GOLGA1: variants seen among roughly 807,000 people sequenced by gnomAD.
The protein encoded by GOLGA1 is golgin subfamily A member 1.
In GOLGA1, 63 loss-of-function variants were observed where a neutral mutation model predicts 119.7. The observed-to-expected ratio is 0.53, with a 90% confidence interval of 0.43 to 0.65. The LOEUF (loss-of-function observed/expected upper bound fraction) is 0.65. GOLGA1 is among the 30% of genes least tolerant of loss of function. The pLI is 0.00. For synonymous variants in GOLGA1, 318 were observed against 333.4 expected, an observed-to-expected ratio of 0.95 and a Z score of 0.50; for missense variants, 798 against 912.8, an observed-to-expected ratio of 0.87 and a Z score of 1.62.
At chr9:124,938,123 A>C (rs1447087896) in intron 3 of GOLGA1, among the ~76,000 whole-genome samples, 1 of 151,954 alleles carries the variant, frequency 6.6e-6, no homozygotes. Context: ...AAAAAGCAAC[A>C]TACTGTAATC....
rs543500246 is a variant in GOLGA1, at chr9:124,936,504, G to A, written c.135+2073C>T. ...TGCCTAAGCTGGAGTACAGTGGCAC[G>A]ATCATAGCTCACTACAATCCCAAAC... On this transcript the variant is annotated intron_variant, in intron 3 of 22. Transcript: ENST00000373555. 9.4e-4 allele frequency among the ~76,000 whole-genome samples: 142 copies of A among 151,532 alleles called. 1 individual carries two copies. Among genetic ancestry groups the A allele is most frequent in the Non-Finnish European group, 1.4e-3 (92 of 67,958 alleles).
At chr9:124,943,260 TCTA>T (rs2131556424), upstream of GOLGA1, 1 of 152,350 alleles carries the variant, frequency 6.6e-6, no homozygotes, top group East Asian at 1.9e-4. Flanking sequence ...CAAAATTTAT[TCTA>T]CTGTTAACAC....
chr9:124,922,411 G>T (rs1008500869), intron 8 of GOLGA1, among the ~76,000 whole-genome samples: 1 of 150,212 alleles, frequency 6.7e-6, no homozygotes, highest in African/African-American at 2.5e-5. Context: ...AAATTAGCCG[G>T]GCATGGTAGT....
At chr9:124,890,698 C>T (rs1303571880) in intron 15 of GOLGA1, among the ~76,000 whole-genome samples, 1 of 152,148 alleles carries the variant, frequency 6.6e-6, no homozygotes, top group Non-Finnish European at 1.5e-5. Context: ...AAATGGCACA[C>T]CACTGAGGAT....
At chr9:124,890,229 A>T (rs1411682775) in intron 16 of GOLGA1, among the ~76,000 whole-genome samples, 160 bp downstream of exon 16, 1 of 152,138 alleles carries the variant, frequency 6.6e-6, no homozygotes, top group Non-Finnish European at 1.5e-5. Context: ...AGCTTCCTAG[A>T]GAGCACAGGG....
At chr9:124,908,181 T>C (rs1830270011) in intron 12 of GOLGA1, among the ~76,000 whole-genome samples, 196 bp downstream of exon 12, 1 of 152,144 alleles carries the variant, frequency 6.6e-6, no homozygotes, top group African/African-American at 2.4e-5. Flanking sequence ...TAAAAGGGTA[T>C]AAATAAACAT....
At chr9:124,892,249 C>T (rs765508030) in intron 15 of GOLGA1, among the ~76,000 whole-genome samples, 43 of 152,292 alleles carry the variant, frequency 2.8e-4, no homozygotes, top group South Asian at 1.2e-3. Flanking sequence ...GCCACCACGC[C>T]GGGCCCATTT....
At chr9:124,935,754 C>T (rs1365752023) in intron 3 of GOLGA1, among the ~76,000 whole-genome samples, 1 of 126,754 alleles carries the variant, frequency 7.9e-6, no homozygotes, top group Non-Finnish European at 1.6e-5. Context: ...CACAGCAAGA[C>T]TCTGTCTCCA....
At chr9:124,896,945 C>A (rs1405598726) in intron 15 of GOLGA1, among the ~76,000 whole-genome samples, 1 of 151,904 alleles carries the variant, frequency 6.6e-6, no homozygotes, top group Non-Finnish European at 1.5e-5. Context: ...AAAAAAAAGA[C>A]CTGCCAGGGC....
intron 7 of GOLGA1, among the ~76,000 whole-genome samples, chr9:124,926,274 C>A (rs1470354038): frequency 1.3e-5 from 2 of 152,168 alleles, no homozygotes; most frequent in Non-Finnish European, 1.5e-5. Flanking sequence ...ACCAAAGGTC[C>A]AACTGAAGCT....
chr9:124,880,532 A>G lies in GOLGA1; in HGVS notation c.2302T>C (p.Ter768GlnextTer54). The change falls in exon 23 of 23, where the codon TAG becomes CAG. Residue 768 changes from the stop codon to glutamine, a stop_lost. Coordinates refer to ENST00000373555, the MANE Select transcript of GOLGA1 (RefSeq NM_002077.4). Reference sequence around the variant, plus strand: ...GCTCCATCCTTGGGTAGTCCCCTCTAGGACCATGGTATCCGAGGGTTTGAG... The same window carrying G: ...GCTCCATCCTTGGGTAGTCCCCTCTGGGACCATGGTATCCGAGGGTTTGAG... Reference protein sequence around the residue: ...SISNPRIPWS* With the variant: ...SISNPRIPWSQ The G allele has an allele frequency of 6.3e-7, 1 of 1,579,930 alleles. No individual in the cohort carries two copies. Among genetic ancestry groups the G allele is most frequent in the Non-Finnish European group, 8.7e-7 (1 of 1,149,130 alleles).
intron 19 of GOLGA1, among the ~76,000 whole-genome samples, chr9:124,887,865 C>T (rs192455959): frequency 3.9e-5 from 6 of 152,286 alleles, no homozygotes; most frequent in Admixed American, 2.6e-4. Flanking sequence ...TTCATAACCC[C>T]CTCCTCCCAC....
intron 12 of GOLGA1, among the ~76,000 whole-genome samples, chr9:124,904,376 A>G (rs1216033465): frequency 6.6e-6 from 1 of 152,228 alleles, no homozygotes; most frequent in Non-Finnish European, 1.5e-5. Flanking sequence ...TTGTACGACA[A>G]TGTACACTGA....
intron 10 of GOLGA1, among the ~76,000 whole-genome samples, chr9:124,920,820 G>C (rs1830551569): frequency 6.7e-6 from 1 of 149,384 alleles, no homozygotes; most frequent in Admixed American, 6.7e-5. Context: ...TATAATACCT[G>C]GGCGACAAGA....
intron 10 of GOLGA1, among the ~76,000 whole-genome samples, chr9:124,917,634 C>T (rs1830475569): frequency 6.6e-6 from 1 of 152,178 alleles, no homozygotes; most frequent in Non-Finnish European, 1.5e-5. Flanking sequence ...AGTCTCCTAA[C>T]GGCCAGAGTA....
At chr9:124,894,248 T>C (rs757881666) in intron 15 of GOLGA1, among the ~76,000 whole-genome samples, 3 of 152,202 alleles carry the variant, frequency 2.0e-5, no homozygotes, top group Non-Finnish European at 4.4e-5. Context: ...CCTCCTTTTG[T>C]TCTGAGCCTG....
chr9:124,925,278 TTTC>T (rs1236288002), intron 7 of GOLGA1, among the ~76,000 whole-genome samples: 1 of 151,640 alleles, frequency 6.6e-6, no homozygotes, highest in African/African-American at 2.4e-5. Flanking sequence ...ATCTTAAGAG[TTTC>T]TTTTACAGCA....
Position 124,881,035 on chromosome 9 carries a change from C to T in GOLGA1, c.2223+136G>A. The stretch of plus-strand genomic sequence containing the variant: ...AAAAAGTGCTTGGATCAAGTTCATC[C>T]AAAAGCAGCCAAGCTGATCATGCAG... On this transcript the variant is annotated intron_variant, in intron 22 of 22. Coordinates refer to ENST00000373555, the MANE Select transcript of GOLGA1 (RefSeq NM_002077.4). This position sits in a 1 kb window ranked among gnomAD's most constrained non-coding sequence, Gnocchi z 4.9. The T allele has an allele frequency of 1.5e-6, 1 of 678,378 alleles. No individual in the cohort carries two copies. The highest frequency in any genetic ancestry group is 2.6e-5 in the East Asian group (1 of 39,206). The allele number at this position is 678,378 out of a possible 1,614,324, so 42.0% of individuals were successfully genotyped here. A position where few individuals can be genotyped will look rare whatever the true frequency, so the allele number is the denominator to read the frequency against.
In GOLGA1 at chr9:124,890,408, C is replaced by T. The variant is rs769387512; in HGVS notation, c.1478G>A (p.Arg493Lys). 7 of 1,613,208 alleles carry T rather than the reference C, an allele frequency of 4.3e-6. No homozygotes were observed. Among genetic ancestry groups the T allele is most frequent in the South Asian group, 3.3e-5 (3 of 91,062 alleles). The stretch of plus-strand genomic sequence containing the variant: ...GCCCACCTGTTGCTGGAACTCTTCC[C>T]TTTGCTTCCGCACCTCCTCCAGGGC... ...AQALEEVRKQREEFQQQAANL... is the reference protein window; with the variant it reads ...AQALEEVRKQKEEFQQQAANL... Residue 493 changes from arginine to lysine, a missense_variant, in exon 16 of 23, where the codon AGG (arginine) becomes AAG (lysine). Coordinates refer to ENST00000373555, the MANE Select transcript of GOLGA1 (RefSeq NM_002077.4).
Sources: allele counts gnomAD v4.1 joint callset (sites outside exome capture counted in the v4.1 genomes callset), GRCh38; gene constraint gnomAD v4.1.1; non-coding constraint Gnocchi (gnomAD v3.1); transcripts MANE v1.5; gene names NCBI Gene and HGNC (gene_info 2026-07-23, HGNC 2026-07-21).